NBPF10: variants seen among roughly 807,000 people sequenced by gnomAD.
NBPF10 encodes NBPF family member NBPF10.
In NBPF10, 63 loss-of-function variants were observed where a neutral mutation model predicts 77.9. That is an observed-to-expected ratio of 0.81 (90% CI 0.66 to 1.00). The LOEUF is 1.00. Ranked by LOEUF, NBPF10 falls within the 50% of genes least tolerant of loss-of-function variation. NBPF10 has a pLI of 0.00. For missense variants in NBPF10, 522 were observed against 679.8 expected (o/e 0.77, Z 2.58); for synonymous variants, 146 against 264.5 (o/e 0.55, Z 4.35).
chr1:146,135,879 A>G (rs1659655356), intron 7 of NBPF10, among the ~76,000 whole-genome samples: 1 of 143,850 alleles, frequency 7.0e-6, no homozygotes, highest in South Asian at 2.4e-4. Context: ...GCCACTAGAT[A>G]CAAAGCCATG....
intron 5 of NBPF10, among the ~76,000 whole-genome samples, chr1:146,139,122 T>C (rs1199887683): frequency 2.3e-5 from 3 of 128,256 alleles, no homozygotes; most frequent in Admixed American, 7.9e-5. Context: ...TTTTTTGAGA[T>C]GGAGTCTCGC....
chr1:146,081,004 C>A (rs1379418023), intron 71 of NBPF10, among the ~76,000 whole-genome samples: 10 of 80,724 alleles, frequency 1.2e-4, no homozygotes, highest in Non-Finnish European at 2.4e-4. Flanking sequence ...CACACACACA[C>A]ACACACACAC....
At chr1:146,134,354 CT>C in intron 8 of NBPF10, 89 bp from the exon 9 acceptor site, 1 of 1,071,232 alleles carries the variant, frequency 9.3e-7, no homozygotes, top group Non-Finnish European at 1.4e-6. Context: ...ACATGAACAT[CT>C]AGGCATGGGT....
At chr1:146,125,788 C>A (rs1658531939) in intron 14 of NBPF10, among the ~76,000 whole-genome samples, 1 of 146,176 alleles carries the variant, frequency 6.8e-6, no homozygotes. Flanking sequence ...CCATATTTTT[C>A]CAATCGATTT....
In NBPF10 at chr1:146,136,421, C is replaced by G. The variant is rs782293706; in HGVS notation, c.1023G>C (p.Met341Ile). 16 of 1,612,192 alleles carry G rather than the reference C, an allele frequency of 9.9e-6. No individual in the cohort carries two copies. The African/African-American group carries it at 1.8e-4, about 18-fold the overall frequency. Reference sequence around the variant, plus strand: ...CCTTGAACTGTCGCTCATTCCTCAGCATAAATTTTATGAGGTCTTTGCACT... The same window carrying G: ...CCTTGAACTGTCGCTCATTCCTCAGGATAAATTTTATGAGGTCTTTGCACT... The change falls in exon 7 of 90, where the codon ATG becomes ATC. Residue 341 changes from methionine to isoleucine, a missense_variant. Transcript: ENST00000583866.
Position 146,142,755 on chromosome 1 carries a change from GAAAA to G in NBPF10, c.176-7_176-4del, listed in dbSNP as rs781910699. The stretch of plus-strand genomic sequence containing the variant: ...GAGGTCTTTACACTCTTCATACTCT[GAAAA>G]AAGACAGACACGCCTGCCTCAGTGG... On this transcript the variant is annotated splice_polypyrimidine_tract_variant and splice_region_variant and intron_variant, in intron 1 of 89. Coordinates refer to ENST00000583866, the Ensembl canonical transcript of NBPF10. 2.2e-6 allele frequency: 3 copies of G among 1,353,388 alleles called. 1 individual carries two copies. Among genetic ancestry groups the G allele is most frequent in the Non-Finnish European group, 3.0e-6 (3 of 986,188 alleles). 83.8% of individuals were successfully genotyped at this position (1,353,388 alleles called of 1,614,324 possible).
At chr1:146,143,227 A>G (rs1220121949) in intron 1 of NBPF10, among the ~76,000 whole-genome samples, 1 of 103,638 alleles carries the variant, frequency 9.6e-6, no homozygotes, top group Non-Finnish European at 2.3e-5. Context: ...CTTTTAAATC[A>G]ATATTCAGAT....
intron 14 of NBPF10, 86 bp downstream of exon 14, chr1:146,126,150 G>C (rs587642958): frequency 1.7e-5 from 15 of 868,406 alleles, no homozygotes; most frequent in Admixed American, 3.5e-5. Context: ...ACATCTCTCA[G>C]CTCAGTAACG....
intron 19 of NBPF10, among the ~76,000 whole-genome samples, chr1:146,121,958 A>G (rs1269730779): frequency 4.8e-4 from 64 of 132,982 alleles, no homozygotes; most frequent in African/African-American, 1.9e-3. Flanking sequence ...GGACACTCTG[A>G]GTTAGTGCCC....
exon 14 of NBPF10, chr1:146,126,263 G>C (rs200450624): frequency 2.5e-6 from 4 of 1,608,492 alleles, no homozygotes; most frequent in Admixed American, 3.3e-5. Context: ...AAGCCAACAC[G>C]CTGTTGCTCC....
intron 15 of NBPF10, 46 bp downstream of exon 15, chr1:146,125,419 C>G (rs1553789407): frequency 6.4e-6 from 2 of 310,122 alleles, no homozygotes; most frequent in South Asian, 2.4e-5. Flanking sequence ...CCTGGCATCT[C>G]CAGGTGTCAA....
chr1:146,134,350 A>T, intron 8 of NBPF10, 85 bp from the exon 9 acceptor site: 1 of 1,116,008 alleles, frequency 9.0e-7, no homozygotes, highest in Non-Finnish European at 1.3e-6. Flanking sequence ...AGAGACATGA[A>T]CATCTAGGCA....
chr1:146,126,439 C>T (rs1171449955), intron 13 of NBPF10, 31 bp from the exon 14 acceptor site: 7 of 939,080 alleles, frequency 7.5e-6, no homozygotes, highest in East Asian at 4.8e-5. Flanking sequence ...AAAGAATAAG[C>T]CAGGGGGAAT....
At chr1:146,125,673 A>G (rs1553789607) in intron 14 of NBPF10, among the ~76,000 whole-genome samples, 157 bp from the exon 15 acceptor site, 1 of 128,582 alleles carries the variant, frequency 7.8e-6, no homozygotes, top group Non-Finnish European at 1.7e-5. Flanking sequence ...GCTGATCACC[A>G]CAGAGATTCC....
chr1:146,067,761 T>A (rs868977209), intron 88 of NBPF10, among the ~76,000 whole-genome samples: 1 of 151,164 alleles, frequency 6.6e-6, no homozygotes, highest in Non-Finnish European at 1.5e-5. Flanking sequence ...TCCAATGTCA[T>A]GAGAATAGGA....
chr1:146,067,919 C>A, intron 88 of NBPF10, 84 bp downstream of exon 88: 1 of 707,308 alleles, frequency 1.4e-6, no homozygotes, highest in Non-Finnish European at 2.6e-6. Context: ...TCTCTCGGGT[C>A]AGCAAGGGCC....
chr1:146,066,904 G>A, intron 89 of NBPF10, among the ~76,000 whole-genome samples: 1 of 147,394 alleles, frequency 6.8e-6, no homozygotes, highest in South Asian at 2.2e-4. Flanking sequence ...AAAAGAGTGA[G>A]CTCAATAGTT....
At chr1:146,135,867 C>T (rs587658209) in intron 7 of NBPF10, among the ~76,000 whole-genome samples, 16 of 141,806 alleles carry the variant, frequency 1.1e-4, no homozygotes, top group East Asian at 4.2e-4. Context: ...GTGCATCTTG[C>T]GGCCACTAGA....
intron 71 of NBPF10, among the ~76,000 whole-genome samples, 187 bp from the exon 72 acceptor site, chr1:146,080,964 AAGACAGAT>A (rs1411245478): frequency 1.3e-4 from 8 of 61,944 alleles, no homozygotes; most frequent in South Asian, 7.2e-4. Flanking sequence ...ATGAAAGAGA[AAGACAGAT>A]AGACACACAC....
Sources: gnomAD v4.1 joint callset for allele counts (sites outside exome capture counted in the v4.1 genomes callset) on GRCh38, gnomAD v4.1.1 for gene constraint, MANE v1.5 for transcripts, NCBI Gene and HGNC (gene_info 2026-07-23, HGNC 2026-07-21) for gene names.